The following KCNG3 variants were observed in gnomAD, a reference collection of about 807,000 sequenced individuals.
The protein encoded by KCNG3 is voltage-gated potassium channel regulatory subunit KCNG3.
In KCNG3, 15 loss-of-function variants were observed where a neutral mutation model predicts 29.0. The observed-to-expected ratio is 0.52, with a 90% CI of 0.35 to 0.80. The LOEUF is 0.80. KCNG3 is among the 30% of genes least tolerant of loss of function. The pLI is 0.01. For synonymous variants in KCNG3, 322 were observed against 248.9 expected, an observed-to-expected ratio of 1.29 and a Z score of -2.76; for missense variants, 512 against 605.7, an observed-to-expected ratio of 0.85 and a Z score of 1.62.
chr2:42,412,889 T>C, the KCNG3 span, among the ~76,000 whole-genome samples: 2 of 152,068 alleles, frequency 1.3e-5, no homozygotes, highest in African/African-American at 4.8e-5. Flanking sequence ...CATTCCTTTA[T>C]TTTTAATTAC....
the KCNG3 span, among the ~76,000 whole-genome samples, chr2:42,428,017 A>ATG: frequency 6.6e-6 from 1 of 152,242 alleles, no homozygotes; most frequent in African/African-American, 2.4e-5. Flanking sequence ...TCTAGTCCAA[A>ATG]GACTTATAGT....
the KCNG3 span, among the ~76,000 whole-genome samples, chr2:42,407,868 G>C: frequency 6.6e-6 from 1 of 152,230 alleles, no homozygotes; most frequent in Non-Finnish European, 1.5e-5. Context: ...CTCTGGGGCA[G>C]CTGCAGCCAC....
chr2:42,405,198 C>T, the KCNG3 span, among the ~76,000 whole-genome samples: 2 of 152,212 alleles, frequency 1.3e-5, no homozygotes, highest in East Asian at 1.9e-4. Flanking sequence ...TCTGGAATCA[C>T]GTTTTATAGC....
chr2:42,404,812 C>T, the KCNG3 span, among the ~76,000 whole-genome samples: 10 of 152,248 alleles, frequency 6.6e-5, no homozygotes, highest in Admixed American at 2.6e-4. Context: ...CAAGTATACA[C>T]GGCAATGATT....
the KCNG3 span, among the ~76,000 whole-genome samples, chr2:42,426,455 T>C: frequency 1.3e-5 from 2 of 152,216 alleles, no homozygotes; most frequent in Non-Finnish European, 2.9e-5. Flanking sequence ...CCATGACATA[T>C]ACAATGGCCA....
chr2:42,464,868 G>A (rs1156244456), intron 1 of KCNG3, among the ~76,000 whole-genome samples: 2 of 152,144 alleles, frequency 1.3e-5, no homozygotes, highest in Non-Finnish European at 2.9e-5. Flanking sequence ...TCAGCCGTCT[G>A]TCTCTCCAGC....
the KCNG3 span, among the ~76,000 whole-genome samples, chr2:42,414,240 C>A: frequency 6.6e-6 from 1 of 152,076 alleles, no homozygotes; most frequent in Non-Finnish European, 1.5e-5. Context: ...TTTAGTTGTC[C>A]TTTCAGTGAA....
chr2:42,452,519 C>A (rs1049201423), intron 1 of KCNG3, among the ~76,000 whole-genome samples: 44 of 151,718 alleles, frequency 2.9e-4, no homozygotes, highest in Admixed American at 2.9e-3. Context: ...TCCCCACCAC[C>A]CCCGCTACCC....
chr2:42,391,258 G>A, the KCNG3 span, among the ~76,000 whole-genome samples: 6 of 152,114 alleles, frequency 3.9e-5, no homozygotes, highest in Non-Finnish European at 8.8e-5. Flanking sequence ...CTCATGGAGC[G>A]CTCCACATTG....
the KCNG3 span, among the ~76,000 whole-genome samples, chr2:42,418,112 C>T: frequency 1.3e-5 from 2 of 151,932 alleles, no homozygotes; most frequent in African/African-American, 4.8e-5. Context: ...TAACCATCAC[C>T]ACTATCTATT....
intron 1 of KCNG3, among the ~76,000 whole-genome samples, chr2:42,451,425 G>A (rs1672751825): frequency 6.6e-6 from 1 of 150,846 alleles, no homozygotes; most frequent in South Asian, 2.1e-4. Flanking sequence ...TACAAATAAT[G>A]TTTTAAAATT....
chr2:42,479,513 G>A (rs565289392), intron 1 of KCNG3, among the ~76,000 whole-genome samples: 18 of 151,904 alleles, frequency 1.2e-4, no homozygotes, highest in Non-Finnish European at 2.5e-4. Flanking sequence ...GGGCATGGTG[G>A]TGCATGCTTG....
chr2:42,414,966 T>G, the KCNG3 span, among the ~76,000 whole-genome samples: 4 of 152,234 alleles, frequency 2.6e-5, no homozygotes, highest in African/African-American at 9.6e-5. Flanking sequence ...CTTTTTATTT[T>G]AATGTCTTTT....
At position 42,493,525 on chromosome 2, in the gene KCNG3, G is replaced by A; in HGVS notation, c.-24C>T. 3.0e-6 allele frequency: 4 copies of A among 1,340,978 alleles called. No individual in the cohort carries two copies. Among genetic ancestry groups the A allele is most frequent in the Non-Finnish European group, 3.8e-6 (4 of 1,053,596 alleles). The allele number at this position is 1,340,978 out of a possible 1,614,324, so 83.1% of individuals were successfully genotyped here. A position where few individuals can be genotyped will look rare whatever the true frequency, so the allele number is the denominator to read the frequency against. On this transcript the variant is annotated 5_prime_UTR_variant, in exon 1 of 2. Coordinates refer to ENST00000306078, the MANE Select transcript of KCNG3 (RefSeq NM_133329.6). ...ATGGCTGGCCGCCCGGGGGACTTTC[G>A]GCCCGAGGGCCCCGCTGCAGCCCCC... is the stretch of plus-strand genomic sequence containing the variant.
At chr2:42,457,811 A>C (rs374939072) in intron 1 of KCNG3, among the ~76,000 whole-genome samples, 2 of 151,148 alleles carry the variant, frequency 1.3e-5, no homozygotes, top group African/African-American at 4.9e-5. Flanking sequence ...GTAAGACCCT[A>C]TCTCTAAAAA....
chr2:42,473,459 C>G (rs530979159), intron 1 of KCNG3, among the ~76,000 whole-genome samples: 8 of 152,096 alleles, frequency 5.3e-5, no homozygotes, highest in African/African-American at 1.9e-4. Flanking sequence ...AAGGGATTCT[C>G]CTGCCTCAGC....
chr2:42,438,598 A>T (rs1672416482), downstream of KCNG3, among the ~76,000 whole-genome samples: 1 of 152,254 alleles, frequency 6.6e-6, no homozygotes, highest in Non-Finnish European at 1.5e-5. Flanking sequence ...TTTAAATTAC[A>T]GCATAAATGC....
At chr2:42,413,135 G>C in the KCNG3 span, among the ~76,000 whole-genome samples, 4 of 151,942 alleles carry the variant, frequency 2.6e-5, no homozygotes, top group Non-Finnish European at 5.9e-5. Context: ...AAATAGCTAA[G>C]ACTACAGGTG....
chr2:42,468,484 G>A (rs1171042935), intron 1 of KCNG3, among the ~76,000 whole-genome samples: 1 of 151,870 alleles, frequency 6.6e-6, no homozygotes, highest in African/African-American at 2.4e-5. Flanking sequence ...TTTTTAAAAA[G>A]GATATAATCA....
Sources: allele counts gnomAD v4.1 joint callset (sites outside exome capture counted in the v4.1 genomes callset), GRCh38; gene constraint gnomAD v4.1.1; transcripts MANE v1.5; gene names NCBI Gene and HGNC (gene_info 2026-07-23, HGNC 2026-07-21).